The following SPAG16 variants were observed in gnomAD, a reference collection of about 807,000 sequenced individuals.
SPAG16 encodes sperm associated antigen 16, also known as sperm-associated antigen 16 protein.
A neutral mutation model predicts 80.4 loss-of-function variants in SPAG16; 86 were observed. The observed-to-expected ratio is 1.07, with a 90% CI of 0.90 to 1.28. SPAG16 has a LOEUF of 1.28. SPAG16 is among the 50% of genes most tolerant of loss of function. SPAG16 has a pLI of 0.00. For synonymous variants in SPAG16, 294 were observed against 265.9 expected (o/e 1.11, Z -1.03); for missense variants, 870 against 765.3 (o/e 1.14, Z -1.61).
rs372576500 is a variant in SPAG16 at position 213,350,550 on chromosome 2, T to A, written c.667T>A (p.Tyr223Asn). ...TAGGTTGAAGTTACATTATGCATCT[T>A]ATGAACCGACTATAAGGGTGTTACA... is the stretch of plus-strand genomic sequence containing the variant. ...LKGLKLHYAS[Y>N]EPTIRVLHEK... Residue 223 changes from tyrosine to asparagine, a missense_variant, in exon 7 of 16, where the codon TAT becomes AAT. By Grantham distance (143) the Tyr-to-Asn change is moderately radical (BLOSUM62 -2). Transcript: ENST00000331683. 8 of 1,578,368 alleles carry A rather than the reference T, an allele frequency of 5.1e-6. No homozygotes were observed. Among genetic ancestry groups the A allele is most frequent in the Non-Finnish European group, 6.9e-6 (8 of 1,167,014 alleles).
At chr2:213,799,371 G>C (rs151269364) in intron 10 of SPAG16, among the ~76,000 whole-genome samples, 79 of 152,014 alleles carry the variant, frequency 5.2e-4, no homozygotes, top group African/African-American at 1.9e-3. Context: ...TTTTCAGTCT[G>C]TTCATTGCTA....
chr2:213,729,576 T>C (rs1189069370), intron 10 of SPAG16, among the ~76,000 whole-genome samples: 1 of 152,196 alleles, frequency 6.6e-6, no homozygotes, highest in African/African-American at 2.4e-5. Context: ...CCAATGGCCC[T>C]CAGTCCTTTG....
chr2:213,572,587 C>T (rs908597362), intron 10 of SPAG16, among the ~76,000 whole-genome samples: 7 of 152,136 alleles, frequency 4.6e-5, no homozygotes, highest in East Asian at 1.9e-4. Flanking sequence ...AGGAGGCAGT[C>T]GGCGGGTTCT....
chr2:214,182,355 T>TTTC (rs1355376632), intron 15 of SPAG16, among the ~76,000 whole-genome samples: 1 of 151,804 alleles, frequency 6.6e-6, no homozygotes, highest in Non-Finnish European at 1.5e-5. Context: ...TGGATATTCT[T>TTTC]AAATACCGTC....
At chr2:213,715,319 G>A (rs1011302766) in intron 10 of SPAG16, among the ~76,000 whole-genome samples, 5 of 151,702 alleles carry the variant, frequency 3.3e-5, no homozygotes, top group South Asian at 2.1e-4. Flanking sequence ...TGGATATGGA[G>A]GTGAGAAAAC....
At position 214,162,473 on chromosome 2, in the gene SPAG16, GAAGT is replaced by G. The variant is rs200449219; in HGVS notation, c.1720+13213_1720+13216del. Among the ~76,000 whole-genome samples, 1,086 of 152,144 alleles carry G rather than the reference GAAGT, an allele frequency of 7.1e-3. 6 individuals are homozygous for G. Among genetic ancestry groups the G allele is most frequent in the East Asian group, 0.033 (169 of 5,146 alleles). On this transcript the variant is annotated intron_variant, in intron 15 of 15. Transcript: ENST00000331683. ...AGATTTTTAACCCTATTACAGGGAAGAAGTAAGTACTGGGAACAATAATGACTAT... is the reference window on the plus strand; with the variant it reads ...AGATTTTTAACCCTATTACAGGGAAGAAGTACTGGGAACAATAATGACTAT...
rs1161855687 is a variant in SPAG16 at position 214,103,375 on chromosome 2, A to T, written c.1528-4821A>T. Among the ~76,000 whole-genome samples the T allele has an allele frequency of 3.3e-5, 5 of 152,292 alleles. No individual in the cohort carries two copies. The East Asian group carries it at 9.7e-4, about 29-fold the overall frequency. ...GTAGCACCTGCATTTCACTGAGCAG[A>T]ACTCAGTCACATGGCCACGCCTGAC... On this transcript the variant is annotated intron_variant, in intron 13 of 15. Coordinates refer to ENST00000331683, the MANE Select transcript of SPAG16 (RefSeq NM_024532.5).
At chr2:213,298,367 TA>T (rs1191409495) in intron 3 of SPAG16, among the ~76,000 whole-genome samples, 1 of 152,234 alleles carries the variant, frequency 6.6e-6, no homozygotes, top group East Asian at 1.9e-4. Context: ...GGAATAGTTT[TA>T]AAATGTATGA....
intron 10 of SPAG16, among the ~76,000 whole-genome samples, chr2:213,849,335 C>T (rs536882650): frequency 6.6e-6 from 1 of 152,272 alleles, no homozygotes; most frequent in South Asian, 2.1e-4. Context: ...CCAAACACCT[C>T]CTACTTAGGC....
chr2:214,060,257 T>C (rs2050187722), intron 13 of SPAG16, among the ~76,000 whole-genome samples: 1 of 152,154 alleles, frequency 6.6e-6, no homozygotes. Context: ...ATATTCTAAA[T>C]GACTCCAAAG....
At chr2:214,237,475 G>C (rs1202630780) in intron 15 of SPAG16, among the ~76,000 whole-genome samples, 1 of 152,002 alleles carries the variant, frequency 6.6e-6, no homozygotes, top group African/African-American at 2.4e-5. Context: ...CTACATTACT[G>C]AATTTGTAAA....
intron 5 of SPAG16, among the ~76,000 whole-genome samples, chr2:213,339,111 T>G (rs2064541800): frequency 6.6e-6 from 1 of 152,144 alleles, no homozygotes; most frequent in African/African-American, 2.4e-5. Context: ...TTGATCTTCA[T>G]CAAGAAGTCG....
At chr2:214,169,665 C>T (rs1342407406) in intron 15 of SPAG16, among the ~76,000 whole-genome samples, 3 of 152,008 alleles carry the variant, frequency 2.0e-5, no homozygotes, top group African/African-American at 7.2e-5. Flanking sequence ...TTCTTAGAGA[C>T]ATATATACAA....
At chr2:214,126,272 C>A (rs1000073893) in intron 14 of SPAG16, among the ~76,000 whole-genome samples, 9 of 151,040 alleles carry the variant, frequency 6.0e-5, no homozygotes, top group Non-Finnish European at 1.2e-4. Flanking sequence ...TTCTATGACT[C>A]GCCTTAGGGA....
At chr2:214,122,516 A>G (rs149937709) in intron 14 of SPAG16, among the ~76,000 whole-genome samples, 3 of 151,866 alleles carry the variant, frequency 2.0e-5, no homozygotes, top group African/African-American at 7.2e-5. Context: ...TGATTTCTCA[A>G]TTTTGTTTGT....
intron 15 of SPAG16, among the ~76,000 whole-genome samples, chr2:214,395,390 G>A (rs1036283972): frequency 6.6e-6 from 1 of 152,172 alleles, no homozygotes; most frequent in Non-Finnish European, 1.5e-5. Flanking sequence ...ATGTTCTGGT[G>A]TATGTGGTAC....
intron 15 of SPAG16, among the ~76,000 whole-genome samples, chr2:214,334,566 GA>G (rs1697148375): frequency 6.6e-6 from 1 of 152,158 alleles, no homozygotes; most frequent in South Asian, 2.1e-4. Context: ...CCAGTTGGTG[GA>G]GTTGAAAATA....
At chr2:213,910,102 G>C (rs1377555329) in intron 11 of SPAG16, among the ~76,000 whole-genome samples, 1 of 152,146 alleles carries the variant, frequency 6.6e-6, no homozygotes, top group Non-Finnish European at 1.5e-5. Context: ...GATTTTGGTT[G>C]TATGTAATTC....
intron 15 of SPAG16, among the ~76,000 whole-genome samples, chr2:214,360,365 G>A (rs1699105989): frequency 6.6e-6 from 1 of 151,840 alleles, no homozygotes; most frequent in South Asian, 2.1e-4. Context: ...GTGTTGACAT[G>A]TCATTTTAAC....
Sources: gnomAD v4.1 joint callset for allele counts (sites outside exome capture counted in the v4.1 genomes callset) on GRCh38, gnomAD v4.1.1 for gene constraint, MANE v1.5 for transcripts, NCBI Gene and HGNC (gene_info 2026-07-23, HGNC 2026-07-21) for gene names.